Variants in VAV2 observed in about 807,000 individuals in gnomAD.
VAV2 encodes the protein guanine nucleotide exchange factor VAV2.
Under a neutral mutation model 132.5 loss-of-function variants are expected in VAV2, and 67 were observed. That is an observed-to-expected ratio of 0.51 (90% CI 0.42 to 0.62). The LOEUF (loss-of-function observed/expected upper bound fraction) is 0.62. Ranked by LOEUF, VAV2 falls within the 20% of genes least tolerant of loss-of-function variation. VAV2 has a pLI of 0.00. For synonymous variants in VAV2, 492 were observed against 443.5 expected (o/e 1.11, Z -1.37); for missense variants, 938 against 1,153.6 (o/e 0.81, Z 2.71).
At position 133,769,561 on chromosome 9, in the gene VAV2, G is replaced by A. The variant is rs995932916; in HGVS notation, c.2348-58C>T. 76 of 1,535,380 alleles carry A rather than the reference G, an allele frequency of 4.9e-5. No homozygotes were observed. Among genetic ancestry groups the A allele is most frequent in the Non-Finnish European group, 5.9e-5 (66 of 1,127,888 alleles). On this transcript the variant is annotated intron_variant, in intron 27 of 29. Coordinates refer to ENST00000371850, the MANE Select transcript of VAV2 (RefSeq NM_001134398.2). This position sits in a 1 kb window ranked among gnomAD's most constrained non-coding sequence, Gnocchi z 8.1. ...CAGCAGGGCATCCACGCACAGTCACGGTGGGCACAGCTACAGGCCGGGGGG... is the reference window on the plus strand; with the variant it reads ...CAGCAGGGCATCCACGCACAGTCACAGTGGGCACAGCTACAGGCCGGGGGG...
intron 6 of VAV2, among the ~76,000 whole-genome samples, 193 bp downstream of exon 6, chr9:133,809,998 C>T (rs1199882967): frequency 6.6e-6 from 1 of 152,168 alleles, no homozygotes; most frequent in African/African-American, 2.4e-5. Flanking sequence ...TCTAAGGCAA[C>T]GTGCAAGATG....
chr9:133,950,049 G>A (rs1841504241), intron 1 of VAV2, among the ~76,000 whole-genome samples: 1 of 152,192 alleles, frequency 6.6e-6, no homozygotes, highest in African/African-American at 2.4e-5. Context: ...CCCGCTGCCA[G>A]GGTCTGTCTG....
intron 3 of VAV2, among the ~76,000 whole-genome samples, chr9:133,858,899 C>G (rs1837488079): frequency 6.6e-6 from 1 of 152,240 alleles, no homozygotes; most frequent in Non-Finnish European, 1.5e-5. Flanking sequence ...GGCCACTGTG[C>G]CCACATGCTG....
chr9:133,899,382 C>A (rs1839349988), intron 2 of VAV2, among the ~76,000 whole-genome samples: 1 of 151,422 alleles, frequency 6.6e-6, no homozygotes, highest in Non-Finnish European at 1.5e-5. Flanking sequence ...CATAGTGAGA[C>A]CCCAACTCTA....
At chr9:133,814,378 C>T (rs1337634330) in intron 4 of VAV2, among the ~76,000 whole-genome samples, 1 of 152,248 alleles carries the variant, frequency 6.6e-6, no homozygotes, top group Admixed American at 6.5e-5. Context: ...GGCTGCCAGC[C>T]ACCCCACGTT....
chr9:133,929,050 C>G (rs994258654), intron 2 of VAV2, among the ~76,000 whole-genome samples: 31 of 152,354 alleles, frequency 2.0e-4, no homozygotes, highest in African/African-American at 7.2e-4. Flanking sequence ...GCCCACAGCC[C>G]TCGGCATGGG....
At chr9:133,955,379 TC>T in intron 1 of VAV2, among the ~76,000 whole-genome samples, 1 of 146,256 alleles carries the variant, frequency 6.8e-6, no homozygotes. Flanking sequence ...TCCTCCTTAC[TC>T]CCCGCCCACG....
Position 133,834,329 on chromosome 9 carries a change from G to A in VAV2, c.392C>T (p.Ser131Leu), listed in dbSNP as rs753191819. ...AQNKGIRPFPSEETTENDDDV... is the reference protein window; with the variant it reads ...AQNKGIRPFPLEETTENDDDV... ...ATCGTCATTCTCTGTGGTCTCCTCT[G>A]AGGGAAAAGGCCTGCGGAAGAGAAG... The change falls in exon 4 of 30, where the codon TCA (serine) becomes TTA (leucine). Residue 131 changes from serine (S) to leucine (L), a missense_variant. Ser to Leu is a moderately radical substitution (Grantham distance 145). Coordinates refer to ENST00000371850, the MANE Select transcript of VAV2 (RefSeq NM_001134398.2). The surrounding 1 kb of genome is among the most constrained non-coding windows in gnomAD (Gnocchi z 5.9). 6.2e-6 allele frequency: 10 copies of A among 1,612,558 alleles called. No individual in the cohort carries two copies. The highest frequency in any genetic ancestry group is 1.7e-6 in the Non-Finnish European group (2 of 1,179,468).
At position 133,774,915 on chromosome 9, in the gene VAV2, A is replaced by G. The variant is rs1199463918; in HGVS notation, c.2135+20T>C. 1.8e-5 allele frequency: 29 copies of G among 1,603,798 alleles called. No homozygotes were observed. The South Asian group carries it at 2.4e-4, about 13-fold the overall frequency. On this transcript the variant is annotated intron_variant, in intron 25 of 29. Coordinates refer to ENST00000371850, the MANE Select transcript of VAV2 (RefSeq NM_001134398.2). ...CGGCATTGGGGGATGGGTCTCCTCGAGCCCAGAGCCGCCACTTACTTGATG... is the reference window on the plus strand; with the variant it reads ...CGGCATTGGGGGATGGGTCTCCTCGGGCCCAGAGCCGCCACTTACTTGATG...
At chr9:133,936,893 G>A (rs1173864170) in intron 2 of VAV2, among the ~76,000 whole-genome samples, 1 of 152,208 alleles carries the variant, frequency 6.6e-6, no homozygotes, top group Non-Finnish European at 1.5e-5. Context: ...AGCCCCTTCT[G>A]CAGCCCCTCA....
intron 1 of VAV2, among the ~76,000 whole-genome samples, chr9:133,982,008 C>A (rs540511035): frequency 6.6e-6 from 1 of 152,216 alleles, no homozygotes; most frequent in Non-Finnish European, 1.5e-5. Flanking sequence ...ACAAATGGAA[C>A]AGTAAATGCA....
chr9:133,972,643 G>T (rs1401682504), intron 1 of VAV2, among the ~76,000 whole-genome samples: 1 of 152,194 alleles, frequency 6.6e-6, no homozygotes, highest in Non-Finnish European at 1.5e-5. Flanking sequence ...AGAGTCATCG[G>T]CAGGGCCTCC....
At chr9:133,852,049 T>C (rs1837208103) in intron 3 of VAV2, among the ~76,000 whole-genome samples, 1 of 151,784 alleles carries the variant, frequency 6.6e-6, no homozygotes, top group Non-Finnish European at 1.5e-5. Context: ...GATGGATGTA[T>C]GGATGGATGG....
At chr9:133,958,386 C>G (rs1391088676) in intron 1 of VAV2, among the ~76,000 whole-genome samples, 2 of 149,634 alleles carry the variant, frequency 1.3e-5, no homozygotes, top group South Asian at 4.4e-4. Context: ...GGCAGCAATA[C>G]TGCTTTGTAA....
chr9:133,962,634 A>G (rs1285491270), intron 1 of VAV2, among the ~76,000 whole-genome samples: 8 of 152,120 alleles, frequency 5.3e-5, no homozygotes, highest in Non-Finnish European at 1.0e-4. Context: ...CACCCCCCAC[A>G]AAGCTCCCGG....
rs986280787 is a variant in VAV2 at position 133,857,075 on chromosome 9, G to C, written c.380+4299C>G. On this transcript the variant is annotated intron_variant, in intron 3 of 29. Coordinates refer to ENST00000371850, the MANE Select transcript of VAV2 (RefSeq NM_001134398.2). This position sits in a 1 kb window ranked among gnomAD's most constrained non-coding sequence, Gnocchi z 4.0. Reference sequence around the variant, plus strand: ...CCTGCCCAAGGTCATTTGGCTGACAGAAGCTTCCTTCATGGGACCTGACCT... The same window carrying C: ...CCTGCCCAAGGTCATTTGGCTGACACAAGCTTCCTTCATGGGACCTGACCT... Among the ~76,000 whole-genome samples the C allele has an allele frequency of 1.3e-5, 2 of 152,188 alleles. No individual in the cohort carries two copies. The highest frequency in any genetic ancestry group is 3.9e-4 in the East Asian group (2 of 5,182).
At chr9:133,960,739 ACT>A (rs1435511275) in intron 1 of VAV2, among the ~76,000 whole-genome samples, 1 of 152,076 alleles carries the variant, frequency 6.6e-6, no homozygotes, top group East Asian at 1.9e-4. Context: ...TGTCTGCCTG[ACT>A]CTGTAATACC....
chr9:133,800,891 TTGC>T (rs1458335454), intron 9 of VAV2, among the ~76,000 whole-genome samples: 1 of 152,194 alleles, frequency 6.6e-6, no homozygotes, highest in Non-Finnish European at 1.5e-5. Flanking sequence ...TTCCCTATCA[TTGC>T]CCCTTCTTCA....
chr9:133,992,305 G>T lies in VAV2; in HGVS notation c.-27C>A, dbSNP rs1466195290. ...GCGCCCGCGGGCCCGACCGGCTCAG[G>T]GCAGTGCTCGAGCCAAAGTGCAGCG... On this transcript the variant is annotated 5_prime_UTR_variant, in exon 1 of 30. Coordinates refer to ENST00000371850, the MANE Select transcript of VAV2 (RefSeq NM_001134398.2). This position sits in a 1 kb window ranked among gnomAD's most constrained non-coding sequence, Gnocchi z 5.5. The T allele has an allele frequency of 1.5e-6, 2 of 1,374,226 alleles. No homozygotes were observed. Among genetic ancestry groups the T allele is most frequent in the Non-Finnish European group, 9.5e-7 (1 of 1,054,332 alleles). 85.1% of individuals were successfully genotyped at this position (1,374,226 alleles called of 1,614,324 possible).
Sources: gnomAD v4.1 joint callset for allele counts (sites outside exome capture counted in the v4.1 genomes callset) on GRCh38, gnomAD v4.1.1 for gene constraint, Gnocchi (gnomAD v3.1) non-coding constraint, MANE v1.5 for transcripts, NCBI Gene and HGNC (gene_info 2026-07-23, HGNC 2026-07-21) for gene names.